Variants in BCAS3 observed in about 807,000 individuals in gnomAD.
BCAS3 encodes BCAS3 microtubule associated cell migration factor.
In BCAS3, 53 loss-of-function variants were observed where a neutral mutation model predicts 116.1. That is an observed-to-expected ratio of 0.46 (90% confidence interval 0.37 to 0.57). The LOEUF is 0.57. Among genes scored for constraint, BCAS3 ranks in the 20% least tolerant of loss-of-function variants. The pLI is 0.00. For missense variants in BCAS3, 917 were observed against 1,165.4 expected, an observed-to-expected ratio of 0.79 and a Z score of 3.10; for synonymous variants, 391 against 408.2, an observed-to-expected ratio of 0.96 and a Z score of 0.51.
chr17:61,082,501 A>G lies in BCAS3; in HGVS notation c.2328-1966A>G, dbSNP rs1208292377. 1.3e-5 allele frequency among the ~76,000 whole-genome samples: 2 copies of G among 152,192 alleles called. No homozygotes were observed. Among genetic ancestry groups the G allele is most frequent in the East Asian group, 1.9e-4 (1 of 5,184 alleles). On this transcript the variant is annotated intron_variant, in intron 21 of 23. Transcript: ENST00000407086. The surrounding 1 kb of genome is among the most constrained non-coding windows in gnomAD (Gnocchi z 5.1). ...TCATCTGTAGCCCCATTCACACCCT[A>G]CCTCCAACTCTGGATTATTCAGAAA... is the stretch of plus-strand genomic sequence containing the variant.
chr17:61,192,259 A>AAAAAAAAAAAAAAAAAAAAAAAC, intron 22 of BCAS3, among the ~76,000 whole-genome samples: 1 of 149,956 alleles, frequency 6.7e-6, no homozygotes, highest in Admixed American at 6.6e-5. Flanking sequence ...AAAAAAAAAA[A>AAAAAAAAAAAAAAAAAAAAAAAC]AAAGAAACAT....
chr17:61,172,629 T>C (rs1672994257), intron 22 of BCAS3, among the ~76,000 whole-genome samples: 1 of 150,490 alleles, frequency 6.6e-6, no homozygotes, highest in African/African-American at 2.4e-5. Flanking sequence ...AGAGCGAGAC[T>C]CCGTCTCAAA....
At chr17:60,979,841 G>T (rs1421994462) in intron 14 of BCAS3, among the ~76,000 whole-genome samples, 5 of 152,086 alleles carry the variant, frequency 3.3e-5, no homozygotes, top group Non-Finnish European at 5.9e-5. Flanking sequence ...TCCCAGGGAT[G>T]AAGCCCACTT....
Position 61,348,666 on chromosome 17 carries a change from G to A in BCAS3, c.2426-19661G>A, listed in dbSNP as rs752632948. 1.3e-5 allele frequency among the ~76,000 whole-genome samples: 2 copies of A among 151,838 alleles called. No homozygotes were observed. The highest frequency in any genetic ancestry group is 2.9e-5 in the Non-Finnish European group (2 of 67,980). On this transcript the variant is annotated intron_variant, in intron 22 of 23. Transcript: ENST00000407086. This position sits in a 1 kb window ranked among gnomAD's most constrained non-coding sequence, Gnocchi z 4.5. ...CAACTTGCTTTATAGAGTCTGGGTTGCCCACAAGGGACCACATCATTGTAC... is the reference window on the plus strand; with the variant it reads ...CAACTTGCTTTATAGAGTCTGGGTTACCCACAAGGGACCACATCATTGTAC...
chr17:60,873,293 C>T (rs1017062961), intron 8 of BCAS3, among the ~76,000 whole-genome samples: 1 of 152,016 alleles, frequency 6.6e-6, no homozygotes, highest in Non-Finnish European at 1.5e-5. Flanking sequence ...ACAGTAGTCA[C>T]TCATTAGAAT....
In BCAS3 at chr17:61,040,797, C is replaced by T; in HGVS notation, c.1934C>T (p.Pro645Leu). Reference protein sequence around the residue: ...PRASWTLVRTPQWNELQPPFN... With the variant: ...PRASWTLVRTLQWNELQPPFN... ...TTCTTCTCCTGTTTCCTTAGAACCC[C>T]TCAATGGAATGAATTGCAGCCACCG... is the stretch of plus-strand genomic sequence containing the variant. Residue 645 changes from proline (P) to leucine (L), a missense_variant, in exon 19 of 24, where the codon CCT becomes CTT. Around this residue, in one of 3 missense-constraint regions of BCAS3, gnomAD observed 807 missense variants for 1,026.0 expected, o/e 0.79. Transcript: ENST00000407086. 3 of 1,613,314 alleles carry T rather than the reference C, an allele frequency of 1.9e-6. No homozygotes were observed. The highest frequency in any genetic ancestry group is 2.5e-6 in the Non-Finnish European group (3 of 1,179,292).
chr17:60,835,785 T>G (rs1301155181), intron 7 of BCAS3, among the ~76,000 whole-genome samples: 3 of 152,072 alleles, frequency 2.0e-5, no homozygotes, highest in African/African-American at 7.2e-5. Context: ...ATGTACAATA[T>G]TCATATTCTC....
intron 22 of BCAS3, among the ~76,000 whole-genome samples, chr17:61,133,042 G>T (rs1438701526): frequency 6.6e-6 from 1 of 152,132 alleles, no homozygotes; most frequent in African/African-American, 2.4e-5. Context: ...ATCAGATGAA[G>T]AAGCTGATAA....
At chr17:61,006,724 A>G (rs1361581262) in intron 15 of BCAS3, among the ~76,000 whole-genome samples, 2 of 152,042 alleles carry the variant, frequency 1.3e-5, no homozygotes, top group Non-Finnish European at 2.9e-5. Context: ...CTATATTTGA[A>G]CTTGATTCAG....
At position 61,097,581 on chromosome 17, in the gene BCAS3, G is replaced by T. The variant is rs1350509521; in HGVS notation, c.2425+13017G>T. 6.6e-6 allele frequency among the ~76,000 whole-genome samples: 1 copy of T among 152,160 alleles called. No individual in the cohort carries two copies. Among genetic ancestry groups the T allele is most frequent in the Non-Finnish European group, 1.5e-5 (1 of 68,040 alleles). ...TTCCTTGGCAGTGTGAGATCCCCAT[G>T]TCTGAATAATCAAGAGGCTCTATGA... On this transcript the variant is annotated intron_variant, in intron 22 of 23. Transcript: ENST00000407086. The surrounding 1 kb of genome is among the most constrained non-coding windows in gnomAD (Gnocchi z 4.0).
intron 1 of BCAS3, among the ~76,000 whole-genome samples, chr17:60,678,964 C>A (rs2032507218): frequency 6.6e-6 from 1 of 152,172 alleles, no homozygotes; most frequent in African/African-American, 2.4e-5. Flanking sequence ...TGGCTCAAGC[C>A]TATAATCCCA....
At chr17:61,351,979 C>G (rs2057877639) in intron 22 of BCAS3, among the ~76,000 whole-genome samples, 1 of 152,204 alleles carries the variant, frequency 6.6e-6, no homozygotes, top group East Asian at 1.9e-4. Flanking sequence ...TTTTTGCCAG[C>G]TCGTTGAGCT....
intron 23 of BCAS3, among the ~76,000 whole-genome samples, chr17:61,372,438 GATTTCCAAATA>G (rs1325565690): frequency 6.6e-6 from 1 of 152,170 alleles, no homozygotes; most frequent in Non-Finnish European, 1.5e-5. Flanking sequence ...ATAAACTGAT[GATTTCCAAATA>G]ATTTCCAAGT....
rs188722686 is a variant in BCAS3 at position 61,219,648 on chromosome 17, C to A, written c.2425+135084C>A. ...TTTTAACAGGGTTTTAATGGGCAGC[C>A]TCTGTAGCTCCTTGGAGGGTTGCAA... On this transcript the variant is annotated intron_variant, in intron 22 of 23. Coordinates refer to ENST00000407086, the MANE Select transcript of BCAS3 (RefSeq NM_017679.5). The surrounding 1 kb of genome is among the most constrained non-coding windows in gnomAD (Gnocchi z 5.2). 2.0e-3 allele frequency among the ~76,000 whole-genome samples: 305 copies of A among 152,288 alleles called. 1 individual carries two copies. The highest frequency in any genetic ancestry group is 2.6e-3 in the Non-Finnish European group (177 of 68,024).
Position 61,386,245 on chromosome 17 carries a change from A to T in BCAS3, c.2594-5732A>T, listed in dbSNP as rs561071966. On this transcript the variant is annotated intron_variant, in intron 23 of 23. Coordinates refer to ENST00000407086, the MANE Select transcript of BCAS3 (RefSeq NM_017679.5). The stretch of plus-strand genomic sequence containing the variant: ...CAGGTGGCCAGGGGGTGTGCTCTTA[A>T]CCACTTCCCTAAACGCCTCCACCAA... Among the ~76,000 whole-genome samples, 6 of 152,230 alleles carry T rather than the reference A, an allele frequency of 3.9e-5. No homozygotes were observed. In the East Asian group the frequency reaches 1.2e-3, roughly 29 times the overall value.
chr17:61,247,919 T>G (rs1281379697), intron 22 of BCAS3, among the ~76,000 whole-genome samples: 1 of 152,202 alleles, frequency 6.6e-6, no homozygotes, highest in East Asian at 1.9e-4. Context: ...AAGAAAATAA[T>G]GTTAGAAGAG....
At chr17:60,959,116 G>A (rs1296744446) in intron 14 of BCAS3, among the ~76,000 whole-genome samples, 2 of 151,930 alleles carry the variant, frequency 1.3e-5, no homozygotes, top group African/African-American at 2.4e-5. Flanking sequence ...ACCAGACTGG[G>A]GAACATAGAA....
chr17:60,747,379 C>T, intron 6 of BCAS3, 100 bp downstream of exon 6: 1 of 955,032 alleles, frequency 1.0e-6, no homozygotes. Flanking sequence ...GTCTGTTTTC[C>T]TCCAAGTGTC....
Position 61,038,062 on chromosome 17 carries a change from CTCTTT to C in BCAS3, c.1928+15_1928+19del, listed in dbSNP as rs766239928. On this transcript the variant is annotated intron_variant, in intron 18 of 23. Coordinates refer to ENST00000407086, the MANE Select transcript of BCAS3 (RefSeq NM_017679.5). ...CAGCTGGACTCTGGTTAGGTAGTAC[CTCTTT>C]TCTTTTTTTCTTTTTAACAGCTTCA... The C allele has an allele frequency of 1.4e-5, 22 of 1,605,036 alleles. No homozygotes were observed. The East Asian group carries it at 1.6e-4, about 11-fold the overall frequency.
Sources: gnomAD v4.1 joint callset for allele counts (sites outside exome capture counted in the v4.1 genomes callset) on GRCh38, gnomAD v4.1.1 for gene constraint, gnomAD v4.1.1 regional missense constraint, Gnocchi (gnomAD v3.1) non-coding constraint, MANE v1.5 for transcripts, NCBI Gene and HGNC (gene_info 2026-07-23, HGNC 2026-07-21) for gene names.